The following MSRA variants were observed in gnomAD, a reference collection of about 807,000 sequenced individuals.
The protein encoded by MSRA is methionine sulfoxide reductase A.
Under a neutral mutation model 31.3 loss-of-function variants are expected in MSRA, and 54 were observed. That is an observed-to-expected ratio of 1.73 (90% confidence interval 1.39 to 2.17). MSRA has a LOEUF of 2.17. Among genes scored for constraint, MSRA ranks in the 30% most tolerant of loss-of-function variants. The probability of loss-of-function intolerance (pLI) is 0.00; values close to 1 mark genes in which losing one functional copy is unlikely to be tolerated. For synonymous variants in MSRA, 169 were observed against 116.5 expected (o/e 1.45, Z -2.90); for missense variants, 507 against 300.9 (o/e 1.69, Z -5.07).
intron 1 of MSRA, among the ~76,000 whole-genome samples, chr8:10,136,826 C>G (rs1802317113): frequency 6.6e-6 from 1 of 152,146 alleles, no homozygotes; most frequent in African/African-American, 2.4e-5. Flanking sequence ...CTCTCCTTCC[C>G]CATTCTTGGT....
chr8:10,221,038 C>G (rs1041916875), intron 2 of MSRA, among the ~76,000 whole-genome samples: 1 of 152,194 alleles, frequency 6.6e-6, no homozygotes. Flanking sequence ...ACACTGACAG[C>G]TCTGCAGTAC....
At chr8:10,186,812 T>C (rs1563196248) in intron 1 of MSRA, among the ~76,000 whole-genome samples, 3 of 152,334 alleles carry the variant, frequency 2.0e-5, no homozygotes, top group Middle Eastern at 3.4e-3. Flanking sequence ...CTATTGTTTT[T>C]TTCAGTGGAA....
chr8:10,396,896 A>G (rs80323337), intron 5 of MSRA, among the ~76,000 whole-genome samples: 2 of 152,226 alleles, frequency 1.3e-5, no homozygotes, highest in Non-Finnish European at 2.9e-5. Context: ...TCAGTTTGAC[A>G]TCTGTGCTCC....
At chr8:10,250,190 A>G (rs1249259836) in intron 3 of MSRA, among the ~76,000 whole-genome samples, 1 of 152,080 alleles carries the variant, frequency 6.6e-6, no homozygotes, top group African/African-American at 2.4e-5. Context: ...GCTTTACTAC[A>G]TTGATTTTAG....
intron 1 of MSRA, 60 bp from the exon 2 acceptor site, chr8:10,207,771 CAT>C (rs1345790032): frequency 9.9e-6 from 14 of 1,414,700 alleles, no homozygotes; most frequent in Middle Eastern, 2.3e-4. Flanking sequence ...CATTTAATGA[CAT>C]GTGTTAGTAT....
rs1170038638 is a variant in MSRA, at chr8:10,283,830, T to TACAC, written c.332-17703_332-17702insCACA. ...ATATATATATATATATATATATATA[T>TACAC]ATATATACACACACACACACACACA... On this transcript the variant is annotated intron_variant, in intron 3 of 5. Transcript: ENST00000317173. 4.0e-3 allele frequency among the ~76,000 whole-genome samples: 261 copies of TACAC among 65,290 alleles called. 2 individuals carry two copies. The highest frequency in any genetic ancestry group is 6.9e-3 in the Middle Eastern group (1 of 144). 42.8% of individuals were successfully genotyped at this position (65,290 alleles called of 152,430 possible). A position where few individuals can be genotyped will look rare whatever the true frequency, so the allele number is the denominator to read the frequency against.
intron 1 of MSRA, among the ~76,000 whole-genome samples, chr8:10,154,812 T>C (rs1002089136): frequency 1.3e-5 from 2 of 152,074 alleles, no homozygotes; most frequent in Non-Finnish European, 2.9e-5. Context: ...CACATGTATA[T>C]TGAAAAAGAT....
At chr8:10,084,782 C>A (rs1052846056) in intron 1 of MSRA, among the ~76,000 whole-genome samples, 2 of 152,130 alleles carry the variant, frequency 1.3e-5, no homozygotes, top group African/African-American at 4.8e-5. Context: ...ATTGCCCTAT[C>A]CTTTTAGAAT....
chr8:10,337,091 A>G (rs1455943010), intron 5 of MSRA: 2 of 152,198 alleles, frequency 1.3e-5, no homozygotes, highest in African/African-American at 4.8e-5. Flanking sequence ...CTGTCTGCAA[A>G]GGTAAACTCA....
intron 4 of MSRA, among the ~76,000 whole-genome samples, chr8:10,313,656 T>C (rs1220520165): frequency 6.6e-6 from 1 of 152,188 alleles, no homozygotes; most frequent in Non-Finnish European, 1.5e-5. Flanking sequence ...TTGTCGTCAG[T>C]GTTGTTGTTT....
chr8:10,177,853 A>C (rs1806193436), intron 1 of MSRA, among the ~76,000 whole-genome samples: 1 of 152,186 alleles, frequency 6.6e-6, no homozygotes. Context: ...TTTCAATTGA[A>C]TTTGTCTATC....
chr8:10,268,815 G>A (rs1798879528), intron 3 of MSRA, among the ~76,000 whole-genome samples: 2 of 152,224 alleles, frequency 1.3e-5, no homozygotes, highest in South Asian at 4.1e-4. Context: ...ACACCTGGAG[G>A]AGCTAACCTA....
intron 5 of MSRA, among the ~76,000 whole-genome samples, chr8:10,335,786 C>T (rs962673400): frequency 3.3e-5 from 5 of 152,228 alleles, no homozygotes; most frequent in African/African-American, 7.2e-5. Context: ...TAGGACCAGT[C>T]AGCAGATTTG....
At chr8:10,341,799 T>C (rs1563371492) in intron 5 of MSRA, among the ~76,000 whole-genome samples, 1 of 152,226 alleles carries the variant, frequency 6.6e-6, no homozygotes, top group Non-Finnish European at 1.5e-5. Context: ...TGTCTGCAGC[T>C]GTATCCGCAA....
chr8:10,397,730 T>C (rs1247938987), intron 5 of MSRA, among the ~76,000 whole-genome samples: 2 of 152,238 alleles, frequency 1.3e-5, no homozygotes, highest in Admixed American at 1.3e-4. Context: ...TGTAAAAATA[T>C]TTTGCGTGGA....
chr8:10,273,956 G>A (rs1050239201), intron 3 of MSRA, among the ~76,000 whole-genome samples: 8 of 152,126 alleles, frequency 5.3e-5, no homozygotes, highest in Admixed American at 1.3e-4. Flanking sequence ...TGCTTTATAG[G>A]AGGTGAGGAT....
chr8:10,123,857 C>CT (rs536403206), intron 1 of MSRA, among the ~76,000 whole-genome samples: 69 of 148,834 alleles, frequency 4.6e-4, no homozygotes, highest in South Asian at 1.9e-3. Context: ...TTGGTCTATG[C>CT]TTTTTTTTTT....
At chr8:10,208,073 G>A (rs928302650) in intron 2 of MSRA, among the ~76,000 whole-genome samples, 172 bp downstream of exon 2, 16 of 152,144 alleles carry the variant, frequency 1.1e-4, no homozygotes, top group African/African-American at 3.6e-4. Flanking sequence ...GGTTGGAAAA[G>A]CTTATTCTAT....
intron 1 of MSRA, among the ~76,000 whole-genome samples, chr8:10,099,909 G>A (rs958327679): frequency 2.6e-5 from 4 of 152,200 alleles, no homozygotes; most frequent in African/African-American, 9.6e-5. Context: ...AGGACTTGGT[G>A]GTGTGGCCTG....
Sources: allele counts gnomAD v4.1 joint callset (sites outside exome capture counted in the v4.1 genomes callset), GRCh38; gene constraint gnomAD v4.1.1; transcripts MANE v1.5; gene names NCBI Gene and HGNC (gene_info 2026-07-23, HGNC 2026-07-21).